KAZN: variants seen among roughly 807,000 people sequenced by gnomAD.
KAZN encodes the protein kazrin.
In KAZN, 40 loss-of-function variants were observed where a neutral mutation model predicts 87.4. That is an observed-to-expected ratio of 0.46 (90% CI 0.36 to 0.60). The LOEUF is 0.60. Ranked by LOEUF, KAZN falls within the 20% of genes least tolerant of loss-of-function variation. The probability of loss-of-function intolerance (pLI) is 0.00; values close to 1 mark genes in which losing one functional copy is unlikely to be tolerated. For synonymous variants in KAZN, 466 were observed against 458.3 expected, an observed-to-expected ratio of 1.02 and a Z score of -0.22; for missense variants, 898 against 1,073.9, an observed-to-expected ratio of 0.84 and a Z score of 2.29.
At chr1:14,932,199 C>A (rs1428746180) in intron 1 of KAZN, among the ~76,000 whole-genome samples, 6 of 152,194 alleles carry the variant, frequency 3.9e-5, no homozygotes, top group Non-Finnish European at 8.8e-5. Context: ...CACCTCTGGG[C>A]CGCCTGTGGG....
chr1:14,320,680 T>C (rs541027855), intron 2 of KAZN, among the ~76,000 whole-genome samples: 13 of 152,338 alleles, frequency 8.5e-5, no homozygotes, highest in African/African-American at 2.9e-4. Context: ...TGCTTACACC[T>C]GTCCTCTGTA....
intron 13 of KAZN, 130 bp downstream of exon 13, chr1:15,104,319 G>A (rs1641219855): frequency 4.2e-6 from 4 of 960,366 alleles, no homozygotes; most frequent in South Asian, 3.6e-5. Context: ...TTGCACCATG[G>A]TGGTCACCTT....
chr1:14,714,120 T>A (rs1027198849), intron 1 of KAZN, among the ~76,000 whole-genome samples: 1 of 152,200 alleles, frequency 6.6e-6, no homozygotes, highest in East Asian at 1.9e-4. Flanking sequence ...GGCTGACTGA[T>A]GGAGACTGCC....
chr1:14,454,905 T>C (rs1467502673), intron 2 of KAZN, among the ~76,000 whole-genome samples: 1 of 152,182 alleles, frequency 6.6e-6, no homozygotes, highest in Non-Finnish European at 1.5e-5. Flanking sequence ...TGTGGCTCAA[T>C]GGGATGCCTC....
intron 1 of KAZN, among the ~76,000 whole-genome samples, chr1:14,929,395 A>G (rs1338840445): frequency 6.6e-6 from 1 of 152,172 alleles, no homozygotes; most frequent in Non-Finnish European, 1.5e-5. Context: ...TGTTCTTTGT[A>G]ATACTCCAGT....
At chr1:14,171,193 T>C (rs1192181388) in intron 1 of KAZN, among the ~76,000 whole-genome samples, 2 of 152,222 alleles carry the variant, frequency 1.3e-5, no homozygotes, top group African/African-American at 4.8e-5. Flanking sequence ...ATGTATCAGT[T>C]GATGGGAATT....
chr1:14,108,536 G>A (rs978013780), intron 1 of KAZN, among the ~76,000 whole-genome samples: 1 of 152,176 alleles, frequency 6.6e-6, no homozygotes, highest in African/African-American at 2.4e-5. Flanking sequence ...CTCCCAGGAG[G>A]CAGGTGGTGG....
At chr1:14,663,813 CT>C (rs1470337646) in intron 1 of KAZN, among the ~76,000 whole-genome samples, 3 of 152,178 alleles carry the variant, frequency 2.0e-5, no homozygotes, top group Admixed American at 6.5e-5. Context: ...AATTCTGCTT[CT>C]AGTTATGTAC....
rs190720348 is a variant in KAZN, at chr1:14,419,130, C to T, written c.250-179853C>T. Among the ~76,000 whole-genome samples the T allele has an allele frequency of 1.4e-4, 22 of 152,312 alleles. No individual in the cohort carries two copies. In the East Asian group the frequency reaches 4.2e-3, roughly 29 times the overall value. On this transcript the variant is annotated intron_variant, in intron 2 of 16. Coordinates refer to the KAZN transcript ENST00000636203. Reference sequence around the variant, plus strand: ...ATCTCTTGGTAGCACCCCATCTTTACAAAGGAACTTCTATGCCAGCATAAA... The same window carrying T: ...ATCTCTTGGTAGCACCCCATCTTTATAAAGGAACTTCTATGCCAGCATAAA...
rs139796660 is a variant in KAZN at position 14,868,147 on chromosome 1, C to T, written c.227-92537C>T. Among the ~76,000 whole-genome samples, 17 of 151,892 alleles carry T rather than the reference C, an allele frequency of 1.1e-4. 1 individual carries two copies. Among genetic ancestry groups the T allele is most frequent in the South Asian group, 6.3e-4 (3 of 4,796 alleles). ...GCATCACATAGCACGGCATCACATA[C>T]GCAGCCATCGCATAGGCGGGCATCG... On this transcript the variant is annotated intron_variant, in intron 1 of 14. Transcript: ENST00000376030.
rs1033093625 is a variant in KAZN at position 14,923,517 on chromosome 1, T to C, written c.227-37167T>C. On this transcript the variant is annotated intron_variant, in intron 1 of 14. Transcript: ENST00000376030. This position sits in a 1 kb window ranked among gnomAD's most constrained non-coding sequence, Gnocchi z 4.2. The stretch of plus-strand genomic sequence containing the variant: ...ATGGCTGCCATAGTTGGAGAGTTCA[T>C]GGGCAGCACTGATAATGGACAGTGG... Among the ~76,000 whole-genome samples the C allele has an allele frequency of 3.3e-5, 5 of 152,178 alleles. No individual in the cohort carries two copies. Among genetic ancestry groups the C allele is most frequent in the Non-Finnish European group, 7.3e-5 (5 of 68,036 alleles).
At chr1:14,918,763 G>T (rs1468825963) in intron 1 of KAZN, among the ~76,000 whole-genome samples, 5 of 136,752 alleles carry the variant, frequency 3.7e-5, no homozygotes, top group Non-Finnish European at 7.7e-5. Flanking sequence ...GGGAGGAATT[G>T]CATCTTGCCA....
intron 1 of KAZN, among the ~76,000 whole-genome samples, chr1:14,828,325 A>T (rs1311531977): frequency 1.3e-5 from 2 of 152,246 alleles, no homozygotes; most frequent in Non-Finnish European, 2.9e-5. Flanking sequence ...TTGCATCTCA[A>T]TTGTTTTATT....
At chr1:14,312,977 A>T (rs549984984) in intron 2 of KAZN, among the ~76,000 whole-genome samples, 26 of 152,304 alleles carry the variant, frequency 1.7e-4, no homozygotes, top group African/African-American at 6.3e-4. Context: ...TTCCTGAACA[A>T]CAGAAACTGT....
chr1:14,059,960 C>A (rs1557441386), intron 1 of KAZN, among the ~76,000 whole-genome samples: 1 of 152,204 alleles, frequency 6.6e-6, no homozygotes, highest in African/African-American at 2.4e-5. Flanking sequence ...ATCCTCAAGT[C>A]AATACCTTTT....
intron 1 of KAZN, among the ~76,000 whole-genome samples, chr1:13,919,824 T>A (rs1428733069): frequency 6.6e-6 from 1 of 152,214 alleles, no homozygotes; most frequent in African/African-American, 2.4e-5. Flanking sequence ...TCCACAATAT[T>A]AATATTTCTC....
rs34655175 is a variant in KAZN at position 14,778,393 on chromosome 1, GAA to G, written c.226+179189_226+179190del. ...AGCCTGCTTTCTGTTTAACCCTTAA[GAA>G]AAAAAAAAAAAAAAAAAACCCACAT... is the stretch of plus-strand genomic sequence containing the variant. On this transcript the variant is annotated intron_variant, in intron 1 of 14. Transcript: ENST00000376030. Among the ~76,000 whole-genome samples, 462 of 136,398 alleles carry G rather than the reference GAA, an allele frequency of 3.4e-3. 2 individuals are homozygous for G. Among genetic ancestry groups the G allele is most frequent in the African/African-American group, 0.011 (425 of 37,030 alleles). The allele number at this position is 136,398 out of a possible 152,430, so 89.5% of individuals were successfully genotyped here. A position where few individuals can be genotyped will look rare whatever the true frequency, so the allele number is the denominator to read the frequency against.
At position 14,910,582 on chromosome 1, in the gene KAZN, T is replaced by C. The variant is rs557873270; in HGVS notation, c.227-50102T>C. Reference sequence around the variant, plus strand: ...TGTGGGGGGCAAAATTGCCCTCTGGTTGCAAACCACTGCTATCTGGAGTTT... The same window carrying C: ...TGTGGGGGGCAAAATTGCCCTCTGGCTGCAAACCACTGCTATCTGGAGTTT... On this transcript the variant is annotated intron_variant, in intron 1 of 14. Coordinates refer to ENST00000376030, the MANE Select transcript of KAZN (RefSeq NM_201628.3). Among the ~76,000 whole-genome samples, 17 of 152,320 alleles carry C rather than the reference T, an allele frequency of 1.1e-4. 1 individual carries two copies. In the South Asian group the frequency reaches 3.5e-3, roughly 32 times the overall value.
At chr1:14,110,482 A>G (rs1159663828) in intron 1 of KAZN, among the ~76,000 whole-genome samples, 3 of 152,234 alleles carry the variant, frequency 2.0e-5, no homozygotes, top group Non-Finnish European at 4.4e-5. Context: ...TGACCCATAC[A>G]ACTTACAACA....
Sources: gnomAD v4.1 joint callset for allele counts (sites outside exome capture counted in the v4.1 genomes callset) on GRCh38, gnomAD v4.1.1 for gene constraint, Gnocchi (gnomAD v3.1) non-coding constraint, MANE v1.5 for transcripts, NCBI Gene and HGNC (gene_info 2026-07-23, HGNC 2026-07-21) for gene names.